The following ACSS3 variants were observed in gnomAD, a reference collection of about 807,000 sequenced individuals.
The protein encoded by ACSS3 is acyl-CoA synthetase short-chain family member 3, mitochondrial.
Under a neutral mutation model 84.2 loss-of-function variants are expected in ACSS3, and 64 were observed. The observed-to-expected ratio is 0.76, with a 90% CI of 0.62 to 0.94. ACSS3 has a LOEUF of 0.94. ACSS3 is among the 40% of genes least tolerant of loss of function. ACSS3 has a pLI of 0.00. For synonymous variants in ACSS3, 317 were observed against 310.1 expected (o/e 1.02, Z -0.23); for missense variants, 815 against 867.6 (o/e 0.94, Z 0.76).
chr12:81,145,651 G>A lies in ACSS3; in HGVS notation c.921+2404G>A, dbSNP rs1020998489. The stretch of plus-strand genomic sequence containing the variant: ...ATTTGGTTCAAAGTTAGGAGTCTAA[G>A]ACTTTGAGAACATATGAGGGTGCTT... On this transcript the variant is annotated intron_variant, in intron 5 of 15. Coordinates refer to ENST00000548058, the MANE Select transcript of ACSS3 (RefSeq NM_024560.4). Among the ~76,000 whole-genome samples the A allele has an allele frequency of 2.0e-5, 3 of 152,210 alleles. No homozygotes were observed. The South Asian group carries it at 6.2e-4, about 32-fold the overall frequency.
In ACSS3 at chr12:81,126,922, G is replaced by A. The variant is rs528371108; in HGVS notation, c.457-7894G>A. Reference sequence around the variant, plus strand: ...GAAATGTGCTAGTAAATGTTTTCTAGACCACTATCAGATAACTATTTTGAA... The same window carrying A: ...GAAATGTGCTAGTAAATGTTTTCTAAACCACTATCAGATAACTATTTTGAA... On this transcript the variant is annotated intron_variant, in intron 2 of 15. Transcript: ENST00000548058. 5.0e-4 allele frequency among the ~76,000 whole-genome samples: 76 copies of A among 152,038 alleles called. 1 individual carries two copies. Among genetic ancestry groups the A allele is most frequent in the African/African-American group, 1.8e-3 (74 of 41,554 alleles).
In ACSS3 at chr12:81,105,085, C is replaced by T. The variant is rs1191161765; in HGVS notation, c.312-4475C>T. ...ATTACACAAAGATCCAAAAATTATG[C>T]GTTATGCAGAATCAGGAACATTTCA... On this transcript the variant is annotated intron_variant, in intron 1 of 15. Transcript: ENST00000548058. Among the ~76,000 whole-genome samples, 7 of 152,030 alleles carry T rather than the reference C, an allele frequency of 4.6e-5. No homozygotes were observed. The South Asian group carries it at 8.3e-4, about 18-fold the overall frequency.
intron 8 of ACSS3, among the ~76,000 whole-genome samples, chr12:81,194,537 G>A (rs1203419541): frequency 6.6e-6 from 1 of 151,832 alleles, no homozygotes; most frequent in Non-Finnish European, 1.5e-5. Flanking sequence ...ATAGTAAAGT[G>A]ATTTTAATGG....
chr12:81,120,423 A>G (rs924937586), intron 2 of ACSS3, among the ~76,000 whole-genome samples: 7 of 152,156 alleles, frequency 4.6e-5, no homozygotes, highest in African/African-American at 1.4e-4. Context: ...ATGCATCAAC[A>G]ATTTTCTGTT....
At chr12:81,104,229 A>C (rs936271848) in intron 1 of ACSS3, among the ~76,000 whole-genome samples, 7 of 152,022 alleles carry the variant, frequency 4.6e-5, no homozygotes, top group Non-Finnish European at 1.0e-4. Context: ...TGTAACCCAC[A>C]CTGGGTTCTT....
At chr12:81,165,331 A>G (rs1887347724) in intron 7 of ACSS3, among the ~76,000 whole-genome samples, 1 of 152,176 alleles carries the variant, frequency 6.6e-6, no homozygotes, top group Admixed American at 6.5e-5. Context: ...CTGACAATAT[A>G]TTCAAGGAAT....
chr12:81,181,737 A>G (rs557022615), intron 8 of ACSS3, among the ~76,000 whole-genome samples: 84 of 137,722 alleles, frequency 6.1e-4, no homozygotes, highest in African/African-American at 2.2e-3. Context: ...AAAGATTTCA[A>G]TCAATTAAGC....
At chr12:81,241,687 GT>G (rs1300965005) in intron 13 of ACSS3, among the ~76,000 whole-genome samples, 3 of 151,988 alleles carry the variant, frequency 2.0e-5, no homozygotes, top group Non-Finnish European at 2.9e-5. Flanking sequence ...GGGGTTGTTT[GT>G]TTTTTTCTTG....
At chr12:81,205,664 C>T (rs1241436928) in intron 9 of ACSS3, among the ~76,000 whole-genome samples, 3 of 152,042 alleles carry the variant, frequency 2.0e-5, no homozygotes, top group African/African-American at 4.8e-5. Context: ...TGATCATCCT[C>T]TTCCATTGTT....
chr12:81,168,381 G>A (rs546093645), intron 7 of ACSS3, among the ~76,000 whole-genome samples: 56 of 152,194 alleles, frequency 3.7e-4, no homozygotes, highest in African/African-American at 1.3e-3. Flanking sequence ...AGAAGCTATT[G>A]ACTCCTCTTC....
Position 81,256,706 on chromosome 12 carries a change from A to T in ACSS3, c.*1784A>T, listed in dbSNP as rs2034312697. ...CAACTTATATAAAAAAATTCTGAAAATGTTGACTTTTTTTGGACTGAAGAC... is the reference window on the plus strand; with the variant it reads ...CAACTTATATAAAAAAATTCTGAAATTGTTGACTTTTTTTGGACTGAAGAC... On this transcript the variant is annotated 3_prime_UTR_variant, in exon 16 of 16. Transcript: ENST00000548058. 1 of 152,192 alleles carries T rather than the reference A, an allele frequency of 6.6e-6. No homozygotes were observed. The highest frequency in any genetic ancestry group is 1.5e-5 in the Non-Finnish European group (1 of 68,016). 9.4% of individuals were successfully genotyped at this position (152,192 alleles called of 1,614,324 possible). A position where few individuals can be genotyped will look rare whatever the true frequency, so the allele number is the denominator to read the frequency against.
chr12:81,255,179 G>C lies in ACSS3; in HGVS notation c.*257G>C, dbSNP rs113857598. On this transcript the variant is annotated 3_prime_UTR_variant, in exon 16 of 16. Coordinates refer to ENST00000548058, the MANE Select transcript of ACSS3 (RefSeq NM_024560.4). ...TGTCATCTACTGCTTTAGGAAAAAC[G>C]TATCTAGTGTATTATTTTTAAAATT... 3.6e-6 allele frequency: 1 copy of C among 280,672 alleles called. No homozygotes were observed. The allele number at this position is 280,672 out of a possible 1,614,324, so 17.4% of individuals were successfully genotyped here.
intron 9 of ACSS3, among the ~76,000 whole-genome samples, chr12:81,212,879 C>T (rs2032648688): frequency 2.0e-5 from 3 of 152,146 alleles, no homozygotes; most frequent in Admixed American, 2.0e-4. Flanking sequence ...GCTTCTAATG[C>T]AGGGTGAGTA....
chr12:81,240,622 T>A (rs2033767463), intron 13 of ACSS3, among the ~76,000 whole-genome samples: 2 of 152,084 alleles, frequency 1.3e-5, no homozygotes, highest in East Asian at 3.9e-4. Context: ...TTGTTTCTAT[T>A]TCTGTCTTTC....
chr12:81,141,444 A>G (rs1886089121), intron 4 of ACSS3, among the ~76,000 whole-genome samples: 1 of 152,210 alleles, frequency 6.6e-6, no homozygotes, highest in Non-Finnish European at 1.5e-5. Context: ...CAATGATGGA[A>G]TCAAAGGATA....
intron 1 of ACSS3, among the ~76,000 whole-genome samples, chr12:81,096,796 G>T (rs1882092798): frequency 6.6e-6 from 1 of 152,146 alleles, no homozygotes; most frequent in Admixed American, 6.5e-5. Context: ...CAAAGGACAT[G>T]AACTCATCCT....
intron 9 of ACSS3, among the ~76,000 whole-genome samples, chr12:81,207,250 G>T (rs2032386556): frequency 6.6e-6 from 1 of 152,088 alleles, no homozygotes; most frequent in African/African-American, 2.4e-5. Flanking sequence ...CTGGAAATTT[G>T]ATTCCCCCTG....
intron 1 of ACSS3, among the ~76,000 whole-genome samples, chr12:81,109,099 T>A (rs4474506): frequency 0.9 from 136,592 of 152,258 alleles, 62,525 homozygotes; most frequent in Non-Finnish European, 0.99. Flanking sequence ...TAAAAAATAC[T>A]TATAGCTCTT....
chr12:81,196,729 T>C (rs991967454), intron 8 of ACSS3, among the ~76,000 whole-genome samples: 11 of 151,948 alleles, frequency 7.2e-5, no homozygotes, highest in Middle Eastern at 3.2e-3. Flanking sequence ...ACAATCATGG[T>C]GGAAGGCTCA....
Sources: gnomAD v4.1 joint callset for allele counts (sites outside exome capture counted in the v4.1 genomes callset) on GRCh38, gnomAD v4.1.1 for gene constraint, MANE v1.5 for transcripts, NCBI Gene and HGNC (gene_info 2026-07-23, HGNC 2026-07-21) for gene names.